BRINP3: variants seen among roughly 807,000 people sequenced by gnomAD.
The protein encoded by BRINP3 is BMP/retinoic acid-inducible neural-specific protein 3.
BRINP3 carries 19 observed loss-of-function variants against 71.0 expected under a neutral mutation model. The ratio of observed to expected loss-of-function variants is 0.27; its 90% CI spans 0.19 to 0.39. The LOEUF is 0.39. Ranked by LOEUF, BRINP3 falls within the 10% of genes least tolerant of loss-of-function variation. The pLI is 1.00. For synonymous variants in BRINP3, 380 were observed against 337.7 expected, an observed-to-expected ratio of 1.13 and a Z score of -1.37; for missense variants, 959 against 940.8, an observed-to-expected ratio of 1.02 and a Z score of -0.25.
chr1:190,259,612 CAAAAAATAAATAAATAAATA>C (rs1355207557), intron 4 of BRINP3, among the ~76,000 whole-genome samples: 3 of 115,912 alleles, frequency 2.6e-5, no homozygotes, highest in Non-Finnish European at 5.4e-5. Context: ...GAGAATTAGG[CAAAAAATAAATAAATAAATA>C]AATAAATAAA....
At chr1:190,300,191 C>T (rs976675731) in intron 2 of BRINP3, among the ~76,000 whole-genome samples, 14 of 152,284 alleles carry the variant, frequency 9.2e-5, no homozygotes, top group African/African-American at 3.4e-4. Context: ...GTACACCAAT[C>T]AGACATAGAT....
intron 2 of BRINP3, among the ~76,000 whole-genome samples, chr1:190,422,413 C>G (rs912678314): frequency 2.6e-5 from 4 of 151,760 alleles, no homozygotes; most frequent in African/African-American, 7.2e-5. Context: ...TCAGAAAATT[C>G]AATCCTGTAT....
At chr1:190,261,417 A>G (rs908957113) in intron 4 of BRINP3, among the ~76,000 whole-genome samples, 5 of 117,534 alleles carry the variant, frequency 4.3e-5, no homozygotes, top group East Asian at 2.8e-4. Flanking sequence ...TGTTTGTGTC[A>G]GTGTTTTTTA....
intron 2 of BRINP3, among the ~76,000 whole-genome samples, chr1:190,421,018 C>G (rs1014768435): frequency 6.6e-6 from 1 of 151,658 alleles, no homozygotes; most frequent in South Asian, 2.1e-4. Context: ...ATGATTCTCA[C>G]TTAGTATGAA....
At position 190,324,469 on chromosome 1, in the gene BRINP3, A is replaced by C. The variant is rs147373654; in HGVS notation, c.237-42719T>G. The stretch of plus-strand genomic sequence containing the variant: ...ATCAATAATAAGTTACCTTGGGAGA[A>C]AATGTAGCGTTAATAAATCACTGAT... On this transcript the variant is annotated intron_variant, in intron 2 of 7. Transcript: ENST00000367462. Among the ~76,000 whole-genome samples the C allele has an allele frequency of 1.4e-4, 21 of 152,044 alleles. No homozygotes were observed. In the East Asian group the frequency reaches 3.9e-3, roughly 28 times the overall value.
chr1:190,459,525 T>G (rs186467720), intron 1 of BRINP3, among the ~76,000 whole-genome samples: 16 of 152,120 alleles, frequency 1.1e-4, no homozygotes, highest in African/African-American at 3.8e-4. Flanking sequence ...TCGGAATCAC[T>G]GAATTAAACT....
chr1:190,372,357 C>T (rs1669922173), intron 2 of BRINP3, among the ~76,000 whole-genome samples: 1 of 152,136 alleles, frequency 6.6e-6, no homozygotes, highest in African/African-American at 2.4e-5. Flanking sequence ...AATGAACCAT[C>T]CTGTCAGAAA....
chr1:190,234,288 T>G (rs567095972), intron 5 of BRINP3, 84 bp downstream of exon 5: 4 of 973,548 alleles, frequency 4.1e-6, no homozygotes, highest in South Asian at 3.7e-5. Flanking sequence ...TATATGCAGT[T>G]TACTTTAAAA....
chr1:190,354,336 T>A (rs1480167748), intron 2 of BRINP3, among the ~76,000 whole-genome samples: 1 of 151,858 alleles, frequency 6.6e-6, no homozygotes, highest in South Asian at 2.1e-4. Flanking sequence ...CTAAACAAAC[T>A]ACGATGCACG....
At chr1:190,281,234 G>A (rs1663012379) in intron 3 of BRINP3, among the ~76,000 whole-genome samples, 1 of 151,826 alleles carries the variant, frequency 6.6e-6, no homozygotes, top group South Asian at 2.1e-4. Context: ...TAGAATTGAT[G>A]ACCCCACCTG....
At chr1:190,224,958 G>A (rs1164539521) in intron 6 of BRINP3, among the ~76,000 whole-genome samples, 1 of 151,618 alleles carries the variant, frequency 6.6e-6, no homozygotes, top group African/African-American at 2.4e-5. Flanking sequence ...AAAATGGGTT[G>A]TATCAAAAGA....
intron 2 of BRINP3, among the ~76,000 whole-genome samples, chr1:190,444,824 C>A (rs1392001051): frequency 2.0e-5 from 3 of 152,146 alleles, no homozygotes; most frequent in Admixed American, 6.5e-5. Flanking sequence ...CGTGAGCCAC[C>A]GCGCCTGGCC....
chr1:190,180,465 G>T (rs1350647355), intron 6 of BRINP3, among the ~76,000 whole-genome samples: 2 of 151,974 alleles, frequency 1.3e-5, no homozygotes, highest in African/African-American at 2.4e-5. Flanking sequence ...GATCAGAAAA[G>T]TTCATTCCCA....
chr1:190,230,037 A>T (rs2102719134), intron 5 of BRINP3, among the ~76,000 whole-genome samples: 2 of 152,170 alleles, frequency 1.3e-5, no homozygotes, highest in Middle Eastern at 3.4e-3. Flanking sequence ...GAAATTAAGA[A>T]CCAATGGATA....
intron 7 of BRINP3, among the ~76,000 whole-genome samples, chr1:190,132,759 T>C (rs78459537): frequency 0.02 from 3,113 of 152,208 alleles, 102 homozygotes; most frequent in African/African-American, 0.07. Flanking sequence ...TACCCTTTCC[T>C]TGAGTGTGGA....
intron 6 of BRINP3, among the ~76,000 whole-genome samples, chr1:190,190,919 A>G (rs1653977652): frequency 6.6e-6 from 1 of 152,162 alleles, no homozygotes; most frequent in Non-Finnish European, 1.5e-5. Context: ...TTACATATCA[A>G]CTTCAGTGAA....
intron 2 of BRINP3, among the ~76,000 whole-genome samples, chr1:190,386,918 AGT>A (rs1670948228): frequency 6.6e-6 from 1 of 152,002 alleles, no homozygotes; most frequent in Admixed American, 6.6e-5. Context: ...ATTATTTTAA[AGT>A]GAGAAAAAAT....
intron 7 of BRINP3, among the ~76,000 whole-genome samples, chr1:190,120,999 G>A (rs917073338): frequency 1.3e-5 from 2 of 151,922 alleles, no homozygotes; most frequent in Non-Finnish European, 2.9e-5. Flanking sequence ...ATCAAACTTG[G>A]GAAAATATAA....
At chr1:190,122,438 T>C (rs1470950110) in intron 7 of BRINP3, among the ~76,000 whole-genome samples, 1 of 151,878 alleles carries the variant, frequency 6.6e-6, no homozygotes, top group South Asian at 2.1e-4. Flanking sequence ...CTTATAAGAA[T>C]AGGAGATTAC....
Sources: gnomAD v4.1 joint callset for allele counts (sites outside exome capture counted in the v4.1 genomes callset) on GRCh38, gnomAD v4.1.1 for gene constraint, MANE v1.5 for transcripts, NCBI Gene and HGNC (gene_info 2026-07-23, HGNC 2026-07-21) for gene names.